The following ZNF76 variants were observed in gnomAD, a reference collection of about 807,000 sequenced individuals.
ZNF76 encodes the protein zinc finger protein 523.
In ZNF76, 66 loss-of-function variants were observed where a neutral mutation model predicts 66.9. The observed-to-expected ratio is 0.99, with a 90% CI of 0.81 to 1.21. ZNF76 has a LOEUF of 1.21. Among genes scored for constraint, ZNF76 ranks in the 50% most tolerant of loss-of-function variants. ZNF76 has a pLI of 0.00. For synonymous variants in ZNF76, 275 were observed against 296.1 expected (o/e 0.93, Z 0.73); for missense variants, 729 against 760.3 (o/e 0.96, Z 0.48).
In ZNF76 at chr6:35,292,609, C is replaced by T. The variant is rs142958367; in HGVS notation, c.987C>T (p.Tyr329=). The T allele has an allele frequency of 2.5e-6, 4 of 1,613,788 alleles. No individual in the cohort carries two copies. The African/African-American group carries it at 5.3e-5, about 22-fold the overall frequency. The part of the protein sequence containing the change: ...VPGCGKRFTE[Y]SSLYKHHVVH... ...GCTGCGGGAAACGCTTCACCGAGTA[C>T]TCGAGCTTGTATAAGCACCACGTGG... The change falls in exon 10 of 14, where the codon TAC becomes TAT. Residue 329 remains tyrosine (Y), a synonymous_variant. Transcript: ENST00000373953. This position sits in a 1 kb window ranked among gnomAD's most constrained non-coding sequence, Gnocchi z 4.7.
intron 1 of ZNF76, among the ~76,000 whole-genome samples, chr6:35,277,238 A>T (rs937067022): frequency 6.6e-6 from 1 of 152,180 alleles, no homozygotes; most frequent in Admixed American, 6.5e-5. Flanking sequence ...CCAGGAGCAG[A>T]GCTCTTGTGA....
intron 1 of ZNF76, chr6:35,279,185 T>C (rs924164748): frequency 6.1e-6 from 1 of 164,304 alleles, no homozygotes; most frequent in African/African-American, 2.4e-5. Flanking sequence ...GCTTAAGTCC[T>C]TGAGGGGCAC....
intron 1 of ZNF76, among the ~76,000 whole-genome samples, chr6:35,280,593 G>A (rs1788638903): frequency 1.4e-5 from 2 of 138,274 alleles, no homozygotes; most frequent in African/African-American, 2.7e-5. Flanking sequence ...AAGTACAATA[G>A]TTCTGGAAGG....
At chr6:35,276,057 A>G (rs1787848624) in intron 1 of ZNF76, among the ~76,000 whole-genome samples, 1 of 152,182 alleles carries the variant, frequency 6.6e-6, no homozygotes, top group African/African-American at 2.4e-5. Flanking sequence ...AAGGTACTAT[A>G]CCTCTAAGCC....
chr6:35,261,389 A>G (rs908581724), intron 1 of ZNF76, among the ~76,000 whole-genome samples: 10 of 152,212 alleles, frequency 6.6e-5, no homozygotes, highest in Admixed American at 2.0e-4. Flanking sequence ...TTTTGCCTCA[A>G]TAACGATTGG....
At chr6:35,270,201 A>G (rs570516614) in intron 1 of ZNF76, among the ~76,000 whole-genome samples, 5 of 152,222 alleles carry the variant, frequency 3.3e-5, no homozygotes, top group East Asian at 1.9e-4. Context: ...CAGTGGTGCA[A>G]TCTTGGCTCA....
At chr6:35,269,894 A>C (rs545453400) in intron 1 of ZNF76, among the ~76,000 whole-genome samples, 1 of 152,302 alleles carries the variant, frequency 6.6e-6, no homozygotes, top group African/African-American at 2.4e-5. Flanking sequence ...TCAGCTGATC[A>C]GCTTTCCATA....
chr6:35,286,221 C>T lies in ZNF76; in HGVS notation c.154+13C>T. On this transcript the variant is annotated intron_variant, in intron 3 of 13. Transcript: ENST00000373953. ...ACGGTACAGAAAGGTGAGGGCACCC[C>T]AACACACCATGCCTTGTCGAGGGAA... The T allele has an allele frequency of 6.2e-7, 1 of 1,613,934 alleles. No individual in the cohort carries two copies. The highest frequency in any genetic ancestry group is 8.5e-7 in the Non-Finnish European group (1 of 1,179,804).
chr6:35,295,061 AAAG>A (rs1451302987), intron 13 of ZNF76, 80 bp from the exon 14 acceptor site: 1 of 1,119,172 alleles, frequency 8.9e-7, no homozygotes, highest in Admixed American at 2.3e-5. Context: ...GTCAAAAAAA[AAAG>A]TAGGCCACAT....
In ZNF76 at chr6:35,292,978, G is replaced by A. The variant is rs751908315; in HGVS notation, c.1263G>A (p.Val421=). Residue 421 remains valine (V), a synonymous_variant, in exon 11 of 14, where the codon GTG becomes GTA. Coordinates refer to ENST00000373953, the MANE Select transcript of ZNF76 (RefSeq NM_003427.5). The surrounding 1 kb of genome is among the most constrained non-coding windows in gnomAD (Gnocchi z 4.7). The part of the protein sequence containing the change: ...KEERDDIPAQ[V]AMVTEEDGAP... ...AGAGAGATGACATCCCAGCCCAGGTGGCGATGGTGACTGAAGAAGATGGGG... is the reference window on the plus strand; with the variant it reads ...AGAGAGATGACATCCCAGCCCAGGTAGCGATGGTGACTGAAGAAGATGGGG... 90 of 1,614,108 alleles carry A rather than the reference G, an allele frequency of 5.6e-5. No homozygotes were observed. The highest frequency in any genetic ancestry group is 6.4e-5 in the Non-Finnish European group (76 of 1,180,062).
At chr6:35,272,509 G>GTGTGTGTGTGTATGTA (rs1357691368) in intron 1 of ZNF76, among the ~76,000 whole-genome samples, 3 of 112,296 alleles carry the variant, frequency 2.7e-5, no homozygotes, top group Admixed American at 1.9e-4. Flanking sequence ...GTGTGTGTGT[G>GTGTGTGTGTGTATGTA]TGTATGTATA....
intron 1 of ZNF76, among the ~76,000 whole-genome samples, chr6:35,272,153 T>A (rs1787166678): frequency 1.3e-5 from 2 of 151,522 alleles, no homozygotes; most frequent in South Asian, 4.2e-4. Context: ...GCATTAAAAA[T>A]ATATCCACCA....
In ZNF76 at chr6:35,291,714, A is replaced by C. The variant is rs1264271849; in HGVS notation, c.908A>C (p.Lys303Thr). 1 of 1,610,984 alleles carries C rather than the reference A, an allele frequency of 6.2e-7. No homozygotes were observed. The highest frequency in any genetic ancestry group is 8.5e-7 in the Non-Finnish European group (1 of 1,179,990). Reference sequence around the variant, plus strand: ...GGCTTCACCAGCGCCACCAACTATAAGAATCACGTGCGCATCCACACAGGT... The same window carrying C: ...GGCTTCACCAGCGCCACCAACTATACGAATCACGTGCGCATCCACACAGGT... ...GRGFTSATNY[K>T]NHVRIHTGEK... The change falls in exon 9 of 14, where the codon AAG (lysine) becomes ACG (threonine). Residue 303 changes from lysine (K) to threonine (T), a missense_variant. Transcript: ENST00000373953.
At chr6:35,295,103 G>A (rs1791007393) in intron 13 of ZNF76, 41 bp from the exon 14 acceptor site, 1 of 1,495,426 alleles carries the variant, frequency 6.7e-7, no homozygotes, top group East Asian at 2.3e-5. Context: ...TAGCAGGGAG[G>A]GTCTCACTGT....
chr6:35,286,892 A>G (rs1163524621), intron 4 of ZNF76: 2 of 183,554 alleles, frequency 1.1e-5, no homozygotes, highest in Admixed American at 1.1e-4. Context: ...TAGAGGGGGA[A>G]ACAGAAGTGA....
chr6:35,292,893 C>T lies in ZNF76; in HGVS notation c.1178C>T (p.Ala393Val). ...EQQQLEAASA[A>V]EESPPPKRPR... ...TCTCCTCTCCCAGCCGCCTCTGCAG[C>T]CGAGGAGAGTCCGCCACCCAAACGA... The change falls in exon 11 of 14, where the codon GCC (alanine) becomes GTC (valine). Residue 393 changes from alanine (A) to valine (V), a missense_variant. By Grantham distance (64) the Ala-to-Val change is moderately conservative (BLOSUM62 0). Transcript: ENST00000373953. The surrounding 1 kb of genome is among the most constrained non-coding windows in gnomAD (Gnocchi z 4.7). 6.2e-7 allele frequency: 1 copy of T among 1,614,168 alleles called. No homozygotes were observed. The highest frequency in any genetic ancestry group is 1.6e-4 in the Middle Eastern group (1 of 6,062).
intron 1 of ZNF76, among the ~76,000 whole-genome samples, chr6:35,269,280 CAAAAAAAAAAAA>C (rs10615994): frequency 2.4e-5 from 2 of 82,244 alleles, no homozygotes; most frequent in African/African-American, 4.3e-5. Flanking sequence ...GACTCTGTCT[CAAAAAAAAAAAA>C]AAAAAAAAAA....
At chr6:35,274,602 A>G (rs369158628) in intron 1 of ZNF76, among the ~76,000 whole-genome samples, 6 of 152,294 alleles carry the variant, frequency 3.9e-5, no homozygotes, top group South Asian at 4.1e-4. Context: ...GCACACACCT[A>G]TAGTCCCAGC....
At chr6:35,290,772 G>C in intron 7 of ZNF76, 56 bp downstream of exon 7, 2 of 1,559,904 alleles carry the variant, frequency 1.3e-6, no homozygotes, top group Non-Finnish European at 1.8e-6. Context: ...CGTTCTGTTT[G>C]GGACCTCTCT....
Sources: gnomAD v4.1 joint callset for allele counts (sites outside exome capture counted in the v4.1 genomes callset) on GRCh38, gnomAD v4.1.1 for gene constraint, Gnocchi (gnomAD v3.1) non-coding constraint, MANE v1.5 for transcripts, NCBI Gene and HGNC (gene_info 2026-07-23, HGNC 2026-07-21) for gene names.